Variants in C2orf49 observed in about 807,000 individuals in gnomAD.
C2orf49 encodes tRNA splicing ligase complex subunit 2.
C2orf49 carries 11 observed loss-of-function variants against 20.6 expected under a neutral mutation model. That is an observed-to-expected ratio of 0.53 (90% CI 0.34 to 0.88). The LOEUF is 0.88. Ranked by LOEUF, C2orf49 falls within the 40% of genes least tolerant of loss-of-function variation. The probability of loss-of-function intolerance (pLI) is 0.02; values close to 1 mark genes in which losing one functional copy is unlikely to be tolerated. For synonymous variants in C2orf49, 134 were observed against 108.5 expected, an observed-to-expected ratio of 1.24 and a Z score of -1.46; for missense variants, 289 against 274.2, an observed-to-expected ratio of 1.05 and a Z score of -0.38.
the C2orf49 span, among the ~76,000 whole-genome samples, chr2:105,368,928 T>A: frequency 6.6e-6 from 1 of 152,224 alleles, no homozygotes; most frequent in African/African-American, 2.4e-5. Flanking sequence ...GCTTTTCAAA[T>A]GAAGTTTTAT....
At chr2:105,365,444 C>T in the C2orf49 span, among the ~76,000 whole-genome samples, 1 of 152,140 alleles carries the variant, frequency 6.6e-6, no homozygotes, top group African/African-American at 2.4e-5. Context: ...GCTTTCATTT[C>T]TGCAAATGAA....
intron 1 of C2orf49, among the ~76,000 whole-genome samples, chr2:105,338,933 A>G (rs928034912): frequency 4.6e-5 from 7 of 152,226 alleles, no homozygotes; most frequent in Admixed American, 3.9e-4. Context: ...AAATTGGAAA[A>G]TGAGGAAGAA....
In C2orf49 at chr2:105,347,104, T is replaced by C. The variant is rs1263692344; in HGVS notation, c.*1733T>C. The C allele has an allele frequency of 6.6e-6, 1 of 152,150 alleles. No homozygotes were observed. The highest frequency in any genetic ancestry group is 6.5e-5 in the Admixed American group (1 of 15,270). 9.4% of individuals were successfully genotyped at this position (152,150 alleles called of 1,614,324 possible). On this transcript the variant is annotated 3_prime_UTR_variant, in exon 4 of 4. Coordinates refer to ENST00000258457, the MANE Select transcript of C2orf49 (RefSeq NM_024093.3). ...TGCAGGTAAGTACCATACTAAGACTTTAACCCAATAGTTTTTAATCATTCT... is the reference window on the plus strand; with the variant it reads ...TGCAGGTAAGTACCATACTAAGACTCTAACCCAATAGTTTTTAATCATTCT...
downstream of C2orf49, among the ~76,000 whole-genome samples, chr2:105,352,989 A>T (rs1317050763): frequency 6.6e-6 from 1 of 152,158 alleles, no homozygotes; most frequent in African/African-American, 2.4e-5. Context: ...TAGGTAATTG[A>T]TAAAGACCAG....
Position 105,343,300 on chromosome 2 carries a change from G to T in C2orf49, c.642+77G>T, listed in dbSNP as rs1376164128. Reference sequence around the variant, plus strand: ...GCAGTCTGCCTCATGACGGGAGGTGGGTCGACTGTGCTACATTCTGTTCTT... The same window carrying T: ...GCAGTCTGCCTCATGACGGGAGGTGTGTCGACTGTGCTACATTCTGTTCTT... On this transcript the variant is annotated intron_variant, in intron 3 of 3. Coordinates refer to ENST00000258457, the MANE Select transcript of C2orf49 (RefSeq NM_024093.3). 6 of 1,421,740 alleles carry T rather than the reference G, an allele frequency of 4.2e-6. No homozygotes were observed. The African/African-American group carries it at 8.6e-5, about 20-fold the overall frequency. The allele number at this position is 1,421,740 out of a possible 1,614,324, so 88.1% of individuals were successfully genotyped here. A position where few individuals can be genotyped will look rare whatever the true frequency, so the allele number is the denominator to read the frequency against.
the C2orf49 span, among the ~76,000 whole-genome samples, chr2:105,364,254 A>AAAAAC: frequency 2.0e-4 from 30 of 151,392 alleles, no homozygotes; most frequent in Middle Eastern, 6.8e-3. Context: ...AGACTGTCTC[A>AAAAAC]AAAACAAAAC....
the C2orf49 span, among the ~76,000 whole-genome samples, chr2:105,370,765 G>A: frequency 1.3e-5 from 2 of 152,152 alleles, no homozygotes; most frequent in East Asian, 1.9e-4. Context: ...TGCATACACC[G>A]GGATTCTTCT....
downstream of C2orf49, among the ~76,000 whole-genome samples, chr2:105,353,037 G>A (rs932105879): frequency 4.6e-5 from 7 of 152,110 alleles, no homozygotes; most frequent in African/African-American, 1.7e-4. Flanking sequence ...CAAGAGCATG[G>A]CACTGGCACC....
At chr2:105,367,864 A>C in the C2orf49 span, 1 of 900,130 alleles carries the variant, frequency 1.1e-6, no homozygotes, top group Non-Finnish European at 1.7e-6. Context: ...TCAGCTCTTG[A>C]AGGCTCGCCT....
chr2:105,361,480 A>AG, the C2orf49 span: 1 of 1,566,122 alleles, frequency 6.4e-7, no homozygotes, highest in South Asian at 1.1e-5. Flanking sequence ...AGTTAGAATC[A>AG]GGCAACTGGG....
intron 3 of C2orf49, 126 bp downstream of exon 3, chr2:105,343,349 A>T: frequency 1.2e-6 from 1 of 838,324 alleles, no homozygotes; most frequent in Non-Finnish European, 1.8e-6. Flanking sequence ...GGTCTGTCTG[A>T]TTTGTATAAT....
the C2orf49 span, among the ~76,000 whole-genome samples, chr2:105,368,189 G>A: frequency 6.6e-6 from 1 of 151,850 alleles, no homozygotes; most frequent in African/African-American, 2.4e-5. Flanking sequence ...AATGGCTAGA[G>A]TGTGAATGAA....
chr2:105,374,833 C>T, the C2orf49 span, among the ~76,000 whole-genome samples: 1 of 152,200 alleles, frequency 6.6e-6, no homozygotes, highest in Non-Finnish European at 1.5e-5. Context: ...GTTCCCAGCT[C>T]TGACCCCAAA....
At chr2:105,344,894 G>T (rs948036279) in intron 3 of C2orf49, among the ~76,000 whole-genome samples, 3 of 152,084 alleles carry the variant, frequency 2.0e-5, no homozygotes, top group Non-Finnish European at 4.4e-5. Flanking sequence ...ATTGACTTTG[G>T]ATTGTTAAAT....
chr2:105,355,424 T>C, the C2orf49 span, among the ~76,000 whole-genome samples: 1 of 152,158 alleles, frequency 6.6e-6, no homozygotes, highest in South Asian at 2.1e-4. Context: ...ATTCTAAGTC[T>C]CAAGAAACAC....
the C2orf49 span, among the ~76,000 whole-genome samples, chr2:105,383,358 C>T: frequency 2.0e-5 from 3 of 152,234 alleles, no homozygotes; most frequent in African/African-American, 7.2e-5. Flanking sequence ...ATTGTCTATT[C>T]TCCACTATTA....
the C2orf49 span, chr2:105,367,490 T>C: frequency 7.0e-6 from 10 of 1,429,318 alleles, no homozygotes; most frequent in African/African-American, 2.9e-5. Flanking sequence ...ATCCTTGGTT[T>C]TGGAAAGAGA....
chr2:105,364,197 A>C, the C2orf49 span, among the ~76,000 whole-genome samples: 1 of 152,200 alleles, frequency 6.6e-6, no homozygotes, highest in Non-Finnish European at 1.5e-5. Flanking sequence ...CAGAGGTTGC[A>C]GTGAGCCAAG....
Position 105,337,693 on chromosome 2 carries a change from CGCGCCGGA to C in C2orf49, c.99+8_99+15del. On this transcript the variant is annotated splice_region_variant and intron_variant, in intron 1 of 3. Transcript: ENST00000258457. ...TCTCCTCACTCTGGAGCAGGTTGGG[CGCGCCGGA>C]TCGGAGGGTGGGCGGGTGGGCCTTC... 2.8e-6 allele frequency: 1 copy of C among 360,232 alleles called. No homozygotes were observed. The highest frequency in any genetic ancestry group is 6.3e-5 in the Admixed American group (1 of 15,802). The allele number at this position is 360,232 out of a possible 1,614,324, so 22.3% of individuals were successfully genotyped here.
Sources: gnomAD v4.1 joint callset for allele counts (sites outside exome capture counted in the v4.1 genomes callset) on GRCh38, gnomAD v4.1.1 for gene constraint, MANE v1.5 for transcripts, NCBI Gene and HGNC (gene_info 2026-07-23, HGNC 2026-07-21) for gene names.